NID1: variants seen among roughly 807,000 people sequenced by gnomAD.
NID1 encodes the protein nidogen 1, also known as nidogen-1.
Under a neutral mutation model 130.6 loss-of-function variants are expected in NID1, and 76 were observed. That is an observed-to-expected ratio of 0.58 (90% CI 0.48 to 0.70). NID1 has a LOEUF of 0.70. Among genes scored for constraint, NID1 ranks in the 30% least tolerant of loss-of-function variants. The pLI is 0.00. For synonymous variants in NID1, 665 were observed against 675.1 expected (o/e 0.98, Z 0.23); for missense variants, 1,517 against 1,664.8 (o/e 0.91, Z 1.54).
At chr1:235,996,576 G>T (rs1444931839) in intron 12 of NID1, among the ~76,000 whole-genome samples, 9 of 151,884 alleles carry the variant, frequency 5.9e-5, no homozygotes, top group South Asian at 2.1e-4. Context: ...TGAGTAGGTG[G>T]ATCTACAGGC....
In NID1 at chr1:235,977,822, G is replaced by A; in HGVS notation, c.*45C>T. The A allele has an allele frequency of 1.2e-6, 2 of 1,605,452 alleles. No individual in the cohort carries two copies. Among genetic ancestry groups the A allele is most frequent in the Non-Finnish European group, 8.5e-7 (1 of 1,174,148 alleles). On this transcript the variant is annotated 3_prime_UTR_variant, in exon 20 of 20. Coordinates refer to ENST00000264187, the MANE Select transcript of NID1 (RefSeq NM_002508.3). ...TCTGGACCAAGTTGCTTCAAGTAGA[G>A]TGTTGCTGTGAAATACTTGGAAAGG...
At chr1:236,029,841 GAA>G in intron 6 of NID1, 91 bp from the exon 7 acceptor site, 4 of 1,232,952 alleles carry the variant, frequency 3.2e-6, no homozygotes, top group Middle Eastern at 2.2e-4. Context: ...GGGTTGGTGC[GAA>G]CGCTTCTGCA....
chr1:236,015,861 A>G (rs1227507908), intron 10 of NID1, among the ~76,000 whole-genome samples: 1 of 152,012 alleles, frequency 6.6e-6, no homozygotes, highest in African/African-American at 2.4e-5. Flanking sequence ...TGTCTGAAGC[A>G]GACATTTGCC....
rs142628277 is a variant in NID1, at chr1:236,045,952, A to T, written c.526-269T>A. Among the ~76,000 whole-genome samples, 729 of 152,338 alleles carry T rather than the reference A, an allele frequency of 4.8e-3. 4 individuals are homozygous for T. The highest frequency in any genetic ancestry group is 0.015 in the African/African-American group (610 of 41,582). ...GTGGCCCTAAGGTTAACCAAAAATT[A>T]TACAGATGGTACCTCCAGATGGTGG... On this transcript the variant is annotated intron_variant, in intron 2 of 19. Coordinates refer to ENST00000264187, the MANE Select transcript of NID1 (RefSeq NM_002508.3).
chr1:236,018,708 G>A (rs1239207547), intron 9 of NID1, among the ~76,000 whole-genome samples: 1 of 152,160 alleles, frequency 6.6e-6, no homozygotes, highest in African/African-American at 2.4e-5. Flanking sequence ...CAAAGTGCTG[G>A]GATTACAGGC....
In NID1 at chr1:235,981,658, CT is replaced by C; in HGVS notation, c.3179del (p.Glu1060GlyfsTer5). The C allele has an allele frequency of 6.2e-7, 1 of 1,614,220 alleles. No homozygotes were observed. Among genetic ancestry groups the C allele is most frequent in the Non-Finnish European group, 8.5e-7 (1 of 1,180,034 alleles). ...LDGTQRRVLFETDLVNPRGIV... is the reference protein window; with the variant it reads ...LDGTQRRVLFXTDLVNPRGIV... Reference sequence around the variant, plus strand: ...TGCCTCTGGGATTCACCAAGTCAGTCTCAAAGAGCACCCGGCGCTGCGTGCC... The same window carrying C: ...TGCCTCTGGGATTCACCAAGTCAGTCCAAAGAGCACCCGGCGCTGCGTGCC... On this transcript the variant is annotated frameshift_variant, in exon 16 of 20. Coordinates refer to ENST00000264187, the MANE Select transcript of NID1 (RefSeq NM_002508.3). LOFTEE classifies it high-confidence loss of function.
chr1:236,029,387 G>A (rs2102829332), intron 7 of NID1, among the ~76,000 whole-genome samples, 163 bp downstream of exon 7: 1 of 152,316 alleles, frequency 6.6e-6, no homozygotes, highest in East Asian at 1.9e-4. Flanking sequence ...ACAAGGAGTA[G>A]TGCGTCCTAT....
chr1:235,992,864 T>C (rs750963364), intron 13 of NID1, among the ~76,000 whole-genome samples: 10 of 152,270 alleles, frequency 6.6e-5, no homozygotes, highest in Non-Finnish European at 1.5e-4. Context: ...AGATTCATTA[T>C]ATTCGCTTTT....
chr1:235,982,734 A>G (rs1657472946), intron 15 of NID1, among the ~76,000 whole-genome samples: 1 of 152,118 alleles, frequency 6.6e-6, no homozygotes, highest in South Asian at 2.1e-4. Context: ...TTTTATTGAT[A>G]TCACTTAGGA....
In NID1 at chr1:235,990,992, G is replaced by A. The variant is rs780745362; in HGVS notation, c.2822C>T (p.Pro941Leu). Residue 941 changes from proline (P) to leucine (L), a missense_variant, in exon 14 of 20, where the codon CCT becomes CTT. This residue lies in a region of NID1 where 1,329 missense variants were observed against 1,429.2 expected (regional missense o/e 0.93). Transcript: ENST00000264187. Reference protein sequence around the residue: ...PAVPTAVIPLPPGTHLLFAQT... With the variant: ...PAVPTAVIPLLPGTHLLFAQT... ...GGCAAAGAGTAAATGGGTCCCAGGA[G>A]GCAAGGGGATCACGGCGGTAGGCAC... The A allele has an allele frequency of 6.2e-7, 1 of 1,613,956 alleles. No individual in the cohort carries two copies. Among genetic ancestry groups the A allele is most frequent in the Admixed American group, 1.7e-5 (1 of 59,980 alleles).
intron 3 of NID1, 145 bp from the exon 4 acceptor site, chr1:236,042,437 G>C (rs180850866): frequency 1.9e-6 from 2 of 1,062,420 alleles, no homozygotes; most frequent in South Asian, 1.5e-5. Flanking sequence ...GGCACTGGCC[G>C]TCATGTCTGG....
rs775798613 is a variant in NID1, at chr1:236,029,674, G to A, written c.1614C>T (p.Ser538=). 2.2e-5 allele frequency: 36 copies of A among 1,613,806 alleles called. No homozygotes were observed. The Middle Eastern group carries it at 4.9e-4, about 22-fold the overall frequency. The change falls in exon 7 of 20, where the codon AGC becomes AGT. Residue 538 remains serine (S), a synonymous_variant. Coordinates refer to ENST00000264187, the MANE Select transcript of NID1 (RefSeq NM_002508.3). ...TCAGGTGCCCATGCTCATCGATGCC[G>A]CTGAACCGCTGCTTAATGACCAGAT... ...PGNLVIKQRF[S]GIDEHGHLTI...
At chr1:236,024,583 G>A (rs1658867861) in intron 8 of NID1, among the ~76,000 whole-genome samples, 1 of 152,230 alleles carries the variant, frequency 6.6e-6, no homozygotes, top group African/African-American at 2.4e-5. Flanking sequence ...TGGAGCCACA[G>A]TTGCTATAGG....
intron 12 of NID1, among the ~76,000 whole-genome samples, chr1:235,996,203 G>T (rs1657915236): frequency 6.6e-6 from 1 of 152,104 alleles, no homozygotes; most frequent in African/African-American, 2.4e-5. Flanking sequence ...CTACTTGACT[G>T]TGCTGGGGGA....
intron 3 of NID1, among the ~76,000 whole-genome samples, chr1:236,043,433 T>TG (rs1362639637): frequency 4.0e-5 from 6 of 151,358 alleles, no homozygotes; most frequent in Admixed American, 2.0e-4. Context: ...TTGGTTGGTG[T>TG]GGGAAAAAAA....
At chr1:236,016,065 C>A (rs1658585976) in intron 10 of NID1, among the ~76,000 whole-genome samples, 1 of 151,858 alleles carries the variant, frequency 6.6e-6, no homozygotes, top group African/African-American at 2.4e-5. Context: ...AATGGTATGG[C>A]CATTAAAATT....
chr1:236,013,628 C>A (rs1484772786), intron 10 of NID1, 68 bp from the exon 11 acceptor site: 3 of 1,589,016 alleles, frequency 1.9e-6, no homozygotes, highest in South Asian at 1.1e-5. Context: ...ATGCCCCTCC[C>A]AGCTCTATAA....
chr1:235,981,872 G>T, intron 15 of NID1, 90 bp from the exon 16 acceptor site: 2 of 1,216,920 alleles, frequency 1.6e-6, no homozygotes, highest in South Asian at 1.5e-5. Flanking sequence ...TATTTCACAT[G>T]GTGTCCAATC....
intron 12 of NID1, among the ~76,000 whole-genome samples, chr1:236,010,300 C>CTTT (rs551127579): frequency 1.5e-3 from 164 of 107,166 alleles, no homozygotes; most frequent in Non-Finnish European, 1.9e-3. Context: ...GCTATTTATA[C>CTTT]TTTTTTTTTT....
Sources: allele counts gnomAD v4.1 joint callset (sites outside exome capture counted in the v4.1 genomes callset), GRCh38; gene constraint gnomAD v4.1.1; regional missense constraint gnomAD v4.1.1; transcripts MANE v1.5; gene names NCBI Gene and HGNC (gene_info 2026-07-23, HGNC 2026-07-21).